The following COMMD8 variants were observed in gnomAD, a reference collection of about 807,000 sequenced individuals.
The protein encoded by COMMD8 is COMM domain-containing protein 8.
COMMD8 carries 28 observed loss-of-function variants against 27.2 expected under a neutral mutation model. That is an observed-to-expected ratio of 1.03 (90% CI 0.76 to 1.41). The LOEUF is 1.41. COMMD8 is among the 40% of genes most tolerant of loss of function. The pLI is 0.00. For synonymous variants in COMMD8, 79 were observed against 75.5 expected, an observed-to-expected ratio of 1.05 and a Z score of -0.24; for missense variants, 217 against 211.2, an observed-to-expected ratio of 1.03 and a Z score of -0.17.
At chr4:47,454,446 C>T (rs1366294059) in intron 3 of COMMD8, among the ~76,000 whole-genome samples, 1 of 152,140 alleles carries the variant, frequency 6.6e-6, no homozygotes, top group Non-Finnish European at 1.5e-5. Context: ...CCTGGTCATT[C>T]TTTTCTAGTT....
intron 1 of COMMD8, among the ~76,000 whole-genome samples, chr4:47,461,148 C>T (rs1048728667): frequency 6.6e-6 from 1 of 152,144 alleles, no homozygotes; most frequent in Non-Finnish European, 1.5e-5. Flanking sequence ...CATTGCTAGC[C>T]CTCGTTACCA....
chr4:47,459,345 T>A (rs1729963414), intron 2 of COMMD8, among the ~76,000 whole-genome samples: 1 of 152,120 alleles, frequency 6.6e-6, no homozygotes, highest in Admixed American at 6.6e-5. Flanking sequence ...CTCAAATGAT[T>A]TTTGACAAAG....
chr4:47,451,439 T>C lies in COMMD8; in HGVS notation c.*206A>G. The stretch of plus-strand genomic sequence containing the variant: ...ATAAACTGCTACTATAGATTTTTCA[T>C]CTTTCATTTTATGCATTTCCTCTCA... On this transcript the variant is annotated 3_prime_UTR_variant, in exon 5 of 5. Transcript: ENST00000381571. 1 of 478,454 alleles carries C rather than the reference T, an allele frequency of 2.1e-6. No homozygotes were observed. The highest frequency in any genetic ancestry group is 3.2e-5 in the South Asian group (1 of 31,484). The allele number at this position is 478,454 out of a possible 1,614,324, so 29.6% of individuals were successfully genotyped here.
In COMMD8 at chr4:47,451,151, C is replaced by T. The variant is rs1043654802; in HGVS notation, c.*494G>A. ...AATTTTATATTTTATAATCTTTCCTCTGAAATATGAGAAAGACATGGAATC... is the reference window on the plus strand; with the variant it reads ...AATTTTATATTTTATAATCTTTCCTTTGAAATATGAGAAAGACATGGAATC... On this transcript the variant is annotated 3_prime_UTR_variant, in exon 5 of 5. Transcript: ENST00000381571. 2 of 152,550 alleles carry T rather than the reference C, an allele frequency of 1.3e-5. No individual in the cohort carries two copies. The highest frequency in any genetic ancestry group is 4.8e-5 in the African/African-American group (2 of 41,430). The allele number at this position is 152,550 out of a possible 1,614,324, so 9.4% of individuals were successfully genotyped here.
At chr4:47,452,952 C>T (rs934209514) in intron 4 of COMMD8, 107 bp downstream of exon 4, 27 of 931,420 alleles carry the variant, frequency 2.9e-5, no homozygotes, top group South Asian at 1.1e-4. Context: ...GCCGAGTTCG[C>T]GCCGTTGCCC....
intron 3 of COMMD8, among the ~76,000 whole-genome samples, chr4:47,454,415 C>T (rs1240713421): frequency 6.6e-6 from 1 of 152,148 alleles, no homozygotes; most frequent in Non-Finnish European, 1.5e-5. Context: ...AAAGCAATTT[C>T]ACACACCACG....
intron 3 of COMMD8, among the ~76,000 whole-genome samples, chr4:47,454,655 C>T (rs1278412574): frequency 6.6e-6 from 1 of 151,994 alleles, no homozygotes; most frequent in African/African-American, 2.4e-5. Flanking sequence ...CACCTGAGGT[C>T]GGGAGTTCTA....
At chr4:47,458,276 A>G (rs1247292866) in intron 2 of COMMD8, among the ~76,000 whole-genome samples, 1 of 152,078 alleles carries the variant, frequency 6.6e-6, no homozygotes, top group Non-Finnish European at 1.5e-5. Flanking sequence ...CAATGCGCTA[A>G]GGTAAGAAAA....
Position 47,451,371 on chromosome 4 carries a change from T to C in COMMD8, c.*274A>G. 5.2e-6 allele frequency: 2 copies of C among 385,118 alleles called. No homozygotes were observed. Among genetic ancestry groups the C allele is most frequent in the Non-Finnish European group, 9.3e-6 (2 of 215,538 alleles). 23.9% of individuals were successfully genotyped at this position (385,118 alleles called of 1,614,324 possible). ...CAATAAAACTATGTATCTCCAAAGA[T>C]TTCTCAAATATTTAATAAATGAGGC... On this transcript the variant is annotated 3_prime_UTR_variant, in exon 5 of 5. Coordinates refer to ENST00000381571, the MANE Select transcript of COMMD8 (RefSeq NM_017845.5).
At chr4:47,463,520 T>A (rs1346511574) in intron 1 of COMMD8, 66 bp downstream of exon 1, 24 of 1,471,166 alleles carry the variant, frequency 1.6e-5, no homozygotes, top group Non-Finnish European at 1.9e-5. Flanking sequence ...GCACCCGGCC[T>A]GATCCGCACG....
chr4:47,456,493 A>C, intron 3 of COMMD8, 84 bp downstream of exon 3: 2 of 971,632 alleles, frequency 2.1e-6, no homozygotes, highest in Non-Finnish European at 2.9e-6. Context: ...CCAAAATAAC[A>C]AATTTTATAT....
intron 1 of COMMD8, among the ~76,000 whole-genome samples, chr4:47,463,296 G>T (rs1017143769): frequency 6.6e-6 from 1 of 152,232 alleles, no homozygotes; most frequent in Non-Finnish European, 1.5e-5. Context: ...TTAAGAAAAC[G>T]TATACTAAGA....
intron 2 of COMMD8, among the ~76,000 whole-genome samples, chr4:47,457,670 G>C (rs991991221): frequency 2.0e-5 from 3 of 152,004 alleles, no homozygotes; most frequent in African/African-American, 7.2e-5. Context: ...TGACTAATGA[G>C]AAAAGGTAAC....
intron 1 of COMMD8, among the ~76,000 whole-genome samples, chr4:47,461,564 T>C (rs1446120431): frequency 2.0e-5 from 3 of 152,190 alleles, no homozygotes; most frequent in Non-Finnish European, 4.4e-5. Context: ...AAGCATTATC[T>C]TTTTTGGAAT....
intron 1 of COMMD8, 80 bp downstream of exon 1, chr4:47,463,506 G>C: frequency 7.3e-7 from 1 of 1,379,244 alleles, no homozygotes; most frequent in Non-Finnish European, 9.9e-7. Context: ...AAGGCGTCCG[G>C]GTCGCACCCG....
chr4:47,455,401 CTGTT>C (rs1425914418), intron 3 of COMMD8, among the ~76,000 whole-genome samples: 1 of 152,008 alleles, frequency 6.6e-6, no homozygotes, highest in South Asian at 2.1e-4. Flanking sequence ...TAAAAATCCT[CTGTT>C]TAGGTTGCCT....
Position 47,458,701 on chromosome 4 carries a change from G to A in COMMD8, c.222+1443C>T, listed in dbSNP as rs750380882. Among the ~76,000 whole-genome samples, 24 of 152,018 alleles carry A rather than the reference G, an allele frequency of 1.6e-4. 1 individual carries two copies. Among genetic ancestry groups the A allele is most frequent in the Admixed American group, 3.9e-4 (6 of 15,264 alleles). ...TAGAGGGTTATCCGAAAATATAATA[G>A]CCAAGGCACTCCTGAAGAAGCATGA... On this transcript the variant is annotated intron_variant, in intron 2 of 4. Transcript: ENST00000381571.
At chr4:47,453,337 G>C in intron 3 of COMMD8, 123 bp from the exon 4 acceptor site, 1 of 691,598 alleles carries the variant, frequency 1.4e-6, no homozygotes, top group Non-Finnish European at 2.3e-6. Flanking sequence ...ATAGAGAAAG[G>C]TGAAAGAAAT....
At chr4:47,458,523 G>C (rs1178038921) in intron 2 of COMMD8, among the ~76,000 whole-genome samples, 1 of 152,040 alleles carries the variant, frequency 6.6e-6, no homozygotes, top group African/African-American at 2.4e-5. Flanking sequence ...CAAAATACGA[G>C]AGAGACAAAC....
Sources: gnomAD v4.1 joint callset for allele counts (sites outside exome capture counted in the v4.1 genomes callset) on GRCh38, gnomAD v4.1.1 for gene constraint, MANE v1.5 for transcripts, NCBI Gene and HGNC (gene_info 2026-07-23, HGNC 2026-07-21) for gene names.